Variants in RALGPS1 observed in about 807,000 individuals in gnomAD.
The protein encoded by RALGPS1 is ras-specific guanine nucleotide-releasing factor RalGPS1.
In RALGPS1, 19 loss-of-function variants were observed where a neutral mutation model predicts 78.8. The observed-to-expected ratio is 0.24, with a 90% CI of 0.17 to 0.35. The LOEUF is 0.35. Ranked by LOEUF, RALGPS1 falls within the 10% of genes least tolerant of loss-of-function variation. The pLI is 1.00. For missense variants in RALGPS1, 454 were observed against 688.3 expected, an observed-to-expected ratio of 0.66 and a Z score of 3.81; for synonymous variants, 228 against 256.3, an observed-to-expected ratio of 0.89 and a Z score of 1.06.
chr9:127,075,960 A>T (rs2050641795), intron 8 of RALGPS1, among the ~76,000 whole-genome samples: 1 of 152,230 alleles, frequency 6.6e-6, no homozygotes, highest in South Asian at 2.1e-4. Context: ...CAAATTGTAG[A>T]GCCAGTTGGC....
intron 11 of RALGPS1, among the ~76,000 whole-genome samples, chr9:127,185,758 C>T (rs2060603202): frequency 6.6e-6 from 1 of 152,172 alleles, no homozygotes; most frequent in African/African-American, 2.4e-5. Context: ...CTACTTCTCT[C>T]TCCCACACTT....
In RALGPS1 at chr9:127,218,125, T is replaced by C. The variant is rs959293075; in HGVS notation, c.1645-615T>C. ...CCCACAGCAGTGCTGAGGGAGGAGG[T>C]CTGGGGCTGAGGACCTGTTGGCAGC... On this transcript the variant is annotated intron_variant, in intron 18 of 18. Transcript: ENST00000259351. This position sits in a 1 kb window ranked among gnomAD's most constrained non-coding sequence, Gnocchi z 4.4. Among the ~76,000 whole-genome samples, 1 of 151,906 alleles carries C rather than the reference T, an allele frequency of 6.6e-6. No individual in the cohort carries two copies. Among genetic ancestry groups the C allele is most frequent in the African/African-American group, 2.4e-5 (1 of 41,334 alleles).
chr9:127,200,013 C>T (rs1005949759), intron 14 of RALGPS1, among the ~76,000 whole-genome samples: 3 of 152,170 alleles, frequency 2.0e-5, no homozygotes, highest in African/African-American at 7.2e-5. Context: ...GTCACGTACA[C>T]AGGCACACGC....
intron 7 of RALGPS1, among the ~76,000 whole-genome samples, chr9:127,058,566 C>T (rs931006626): frequency 2.0e-5 from 3 of 151,944 alleles, no homozygotes; most frequent in Non-Finnish European, 4.4e-5. Context: ...GATGAGATGT[C>T]GAGATGAAGA....
rs184803230 is a variant in RALGPS1 at position 127,043,462 on chromosome 9, A to G, written c.301-6581A>G. On this transcript the variant is annotated intron_variant, in intron 5 of 18. Coordinates refer to ENST00000259351, the MANE Select transcript of RALGPS1 (RefSeq NM_014636.3). Reference sequence around the variant, plus strand: ...GACCTTTCCTAAAAATTAATTGAAAATGGATCATAGGCCTAAAGGTAAAAG... The same window carrying G: ...GACCTTTCCTAAAAATTAATTGAAAGTGGATCATAGGCCTAAAGGTAAAAG... Among the ~76,000 whole-genome samples, 4 of 152,304 alleles carry G rather than the reference A, an allele frequency of 2.6e-5. No individual in the cohort carries two copies. In the East Asian group the frequency reaches 7.7e-4, roughly 29 times the overall value.
At chr9:127,057,652 C>T (rs1343503344) in intron 7 of RALGPS1, among the ~76,000 whole-genome samples, 1 of 152,206 alleles carries the variant, frequency 6.6e-6, no homozygotes, top group Non-Finnish European at 1.5e-5. Flanking sequence ...ATATTGGCTC[C>T]CTTAAAGCCA....
At chr9:126,947,823 G>A (rs2037423808) in intron 1 of RALGPS1, among the ~76,000 whole-genome samples, 1 of 152,210 alleles carries the variant, frequency 6.6e-6, no homozygotes, top group Non-Finnish European at 1.5e-5. Context: ...CTTGTCTATA[G>A]AATGAAGGGT....
chr9:126,953,376 T>TGTGTGTGTGTGTGC (rs2038040734), intron 1 of RALGPS1, among the ~76,000 whole-genome samples: 1 of 147,884 alleles, frequency 6.8e-6, no homozygotes, highest in African/African-American at 2.6e-5. Context: ...CGTGCATGCG[T>TGTGTGTGTGTGTGC]GTGTGTGTGT....
intron 2 of RALGPS1, among the ~76,000 whole-genome samples, chr9:126,963,121 A>G (rs758410749): frequency 5.3e-5 from 8 of 152,182 alleles, no homozygotes; most frequent in East Asian, 1.9e-4. Context: ...CAGAATTGTC[A>G]TTACCCTCAT....
chr9:127,069,926 A>G (rs2050045013), intron 8 of RALGPS1: 2 of 152,200 alleles, frequency 1.3e-5, no homozygotes, highest in Admixed American at 1.3e-4. Context: ...TTTTTATCTT[A>G]AAAATTTTAT....
At chr9:126,938,749 C>T (rs2036495006) in intron 1 of RALGPS1, among the ~76,000 whole-genome samples, 1 of 152,244 alleles carries the variant, frequency 6.6e-6, no homozygotes, top group African/African-American at 2.4e-5. Flanking sequence ...TGAACACACA[C>T]TTCACGACAA....
intron 8 of RALGPS1, chr9:127,108,906 G>A: frequency 1.5e-6 from 1 of 687,718 alleles, no homozygotes; most frequent in Non-Finnish European, 2.3e-6. Flanking sequence ...AGGATGCTGG[G>A]TTATATTCTC....
intron 11 of RALGPS1, among the ~76,000 whole-genome samples, chr9:127,178,958 G>A (rs2060049415): frequency 6.6e-6 from 1 of 152,244 alleles, no homozygotes; most frequent in South Asian, 2.1e-4. Context: ...CCTTGAGGAA[G>A]GGCCCAGTCT....
chr9:126,945,507 A>G (rs115124589), intron 1 of RALGPS1, among the ~76,000 whole-genome samples: 2,084 of 152,220 alleles, frequency 0.014, 58 homozygotes, highest in African/African-American at 0.047. Context: ...CTTCTCTTGC[A>G]TTTTTAATAT....
intron 6 of RALGPS1, among the ~76,000 whole-genome samples, chr9:127,051,030 G>C (rs1402640357): frequency 6.6e-6 from 1 of 152,258 alleles, no homozygotes; most frequent in Non-Finnish European, 1.5e-5. Context: ...TAGCCAGTCA[G>C]TGGTGGGCAG....
intron 8 of RALGPS1, among the ~76,000 whole-genome samples, chr9:127,114,154 A>G (rs2055154370): frequency 6.6e-6 from 1 of 152,250 alleles, no homozygotes; most frequent in African/African-American, 2.4e-5. Flanking sequence ...GCCGCCATGC[A>G]TGGTGGCCCC....
intron 4 of RALGPS1, among the ~76,000 whole-genome samples, chr9:127,004,971 G>C (rs1181643741): frequency 6.6e-6 from 1 of 152,160 alleles, no homozygotes; most frequent in Non-Finnish European, 1.5e-5. Context: ...TTATTGCATT[G>C]CCAAGCAAAA....
chr9:127,110,727 G>A (rs965493276), intron 8 of RALGPS1, among the ~76,000 whole-genome samples: 2 of 152,158 alleles, frequency 1.3e-5, no homozygotes, highest in Non-Finnish European at 2.9e-5. Context: ...AAGTCTTGAA[G>A]TCATCCTAGA....
rs2062802008 is a variant in RALGPS1, at chr9:127,222,600, C to T, written c.*3831C>T. ...TGCACAAGCGTGTACACCCCCTGGG[C>T]AGCCTCAAAACCCCGCTTACAGCAG... is the stretch of plus-strand genomic sequence containing the variant. On this transcript the variant is annotated 3_prime_UTR_variant, in exon 19 of 19. Transcript: ENST00000259351. 1 of 152,452 alleles carries T rather than the reference C, an allele frequency of 6.6e-6. No homozygotes were observed. The highest frequency in any genetic ancestry group is 2.1e-4 in the South Asian group (1 of 4,830). 9.4% of individuals were successfully genotyped at this position (152,452 alleles called of 1,614,324 possible).
Sources: allele counts gnomAD v4.1 joint callset (sites outside exome capture counted in the v4.1 genomes callset), GRCh38; gene constraint gnomAD v4.1.1; non-coding constraint Gnocchi (gnomAD v3.1); transcripts MANE v1.5; gene names NCBI Gene and HGNC (gene_info 2026-07-23, HGNC 2026-07-21).